The following TENM3 variants were observed in gnomAD, a reference collection of about 807,000 sequenced individuals.
TENM3 encodes teneurin transmembrane protein 3.
TENM3 carries 63 observed loss-of-function variants against 255.1 expected under a neutral mutation model. The observed-to-expected ratio is 0.25, with a 90% CI of 0.20 to 0.30. The LOEUF (loss-of-function observed/expected upper bound fraction) is 0.30, where lower values mean the gene tolerates loss of function less well. TENM3 is among the 10% of genes least tolerant of loss of function. The pLI, the probability that TENM3 is intolerant of heterozygous loss-of-function variation, is 1.00. For synonymous variants in TENM3, 1,306 were observed against 1,322.3 expected, an observed-to-expected ratio of 0.99 and a Z score of 0.27; for missense variants, 2,929 against 3,461.1, an observed-to-expected ratio of 0.85 and a Z score of 3.86.
intron 1 of TENM3, among the ~76,000 whole-genome samples, chr4:182,186,807 A>G (rs1753191946): frequency 1.3e-5 from 1 of 78,496 alleles, no homozygotes; most frequent in Admixed American, 1.7e-4. Flanking sequence ...ATATATATAT[A>G]TATATATGGT....
the TENM3 span, among the ~76,000 whole-genome samples, chr4:181,488,135 C>G: frequency 6.6e-6 from 1 of 152,206 alleles, no homozygotes; most frequent in Admixed American, 6.5e-5. Context: ...TACTGAGCCT[C>G]TACTTAACTT....
the TENM3 span, among the ~76,000 whole-genome samples, chr4:181,503,628 C>T: frequency 1.3e-5 from 2 of 152,166 alleles, no homozygotes; most frequent in Non-Finnish European, 2.9e-5. Context: ...GTGGAGTTCC[C>T]TCAGGCAGAG....
rs1753854083 is a variant in TENM3, at chr4:182,196,750, T to G, written c.-76+51996T>G. Among the ~76,000 whole-genome samples the G allele has an allele frequency of 2.0e-5, 3 of 152,338 alleles. No homozygotes were observed. The South Asian group carries it at 6.2e-4, about 32-fold the overall frequency. On this transcript the variant is annotated intron_variant, in intron 1 of 2. Transcript: ENST00000512480. The stretch of plus-strand genomic sequence containing the variant: ...CATTAAAGTTTTTCTTTTTCTTCTT[T>G]GTAACATTTTCTACACATTTGAAAG...
At chr4:181,601,200 C>T in the TENM3 span, among the ~76,000 whole-genome samples, 4 of 152,160 alleles carry the variant, frequency 2.6e-5, no homozygotes, top group Non-Finnish European at 5.9e-5. Context: ...TATCTTCTCC[C>T]AGTTCTGAAG....
At chr4:182,143,241 C>T (rs1749606222), upstream of TENM3, 1 of 167,078 alleles carries the variant, frequency 6.0e-6, no homozygotes. The surrounding 1 kb of genome is among the most constrained non-coding windows in gnomAD (Gnocchi z 4.3). Flanking sequence ...GGGGCGGAGG[C>T]CTAGGTGCTT....
At chr4:182,342,162 A>G (rs1430874048) in intron 2 of TENM3, among the ~76,000 whole-genome samples, 1 of 152,232 alleles carries the variant, frequency 6.6e-6, no homozygotes, top group Non-Finnish European at 1.5e-5. Context: ...ATGAAGACAT[A>G]TGTACGCATG....
the TENM3 span, among the ~76,000 whole-genome samples, chr4:181,570,159 C>A: frequency 1.3e-5 from 2 of 151,204 alleles, no homozygotes; most frequent in Non-Finnish European, 2.9e-5. Context: ...CATTCTCCTG[C>A]CTCAGCCTCC....
At chr4:181,747,219 G>A in the TENM3 span, among the ~76,000 whole-genome samples, 1 of 152,060 alleles carries the variant, frequency 6.6e-6, no homozygotes, top group Non-Finnish European at 1.5e-5. Flanking sequence ...TTAATAGAAG[G>A]AGAAATTTCA....
chr4:181,456,273 A>G, the TENM3 span, among the ~76,000 whole-genome samples: 15 of 151,654 alleles, frequency 9.9e-5, no homozygotes, highest in African/African-American at 3.6e-4. Flanking sequence ...TATCAAAGCC[A>G]ATATTCTGAT....
chr4:182,302,281 C>T (rs1761897524), intron 1 of TENM3, among the ~76,000 whole-genome samples: 2 of 152,150 alleles, frequency 1.3e-5, no homozygotes, highest in African/African-American at 2.4e-5. Context: ...GGAAGGTTAG[C>T]ATTTCGTTTT....
rs189506899 is a variant in TENM3 at position 182,367,331 on chromosome 4, T to A, written c.511+20402T>A. Among the ~76,000 whole-genome samples the A allele has an allele frequency of 3.4e-4, 51 of 152,096 alleles. No individual in the cohort carries two copies. The East Asian group carries it at 4.9e-3, about 14-fold the overall frequency. ...ATGGAAGTTAACATTGACGGTAAAGTGGAATCCACTTAGGCGGAACTGTGA... is the reference window on the plus strand; with the variant it reads ...ATGGAAGTTAACATTGACGGTAAAGAGGAATCCACTTAGGCGGAACTGTGA... On this transcript the variant is annotated intron_variant, in intron 3 of 27. Transcript: ENST00000511685.
chr4:182,016,387 G>T, the TENM3 span, among the ~76,000 whole-genome samples: 2 of 152,130 alleles, frequency 1.3e-5, no homozygotes, highest in Admixed American at 1.3e-4. Flanking sequence ...TGTTAGCATG[G>T]CAAGTCTTTG....
rs554164379 is a variant in TENM3, at chr4:182,524,676, A to G, written c.512-76248A>G. On this transcript the variant is annotated intron_variant, in intron 3 of 27. Coordinates refer to ENST00000511685, the MANE Select transcript of TENM3 (RefSeq NM_001080477.4). ...ACACCCGACCTGACAAACCTCTTTTAAAACCAAACTCATATTTGTAAATCC... is the reference window on the plus strand; with the variant it reads ...ACACCCGACCTGACAAACCTCTTTTGAAACCAAACTCATATTTGTAAATCC... Among the ~76,000 whole-genome samples, 5 of 151,890 alleles carry G rather than the reference A, an allele frequency of 3.3e-5. No homozygotes were observed. The South Asian group carries it at 1.0e-3, about 32-fold the overall frequency.
chr4:181,922,890 C>G, the TENM3 span, among the ~76,000 whole-genome samples: 17,152 of 151,984 alleles, frequency 0.11, 1,204 homozygotes, highest in South Asian at 0.26. Flanking sequence ...AAATTTCCCT[C>G]TACACACTGC....
chr4:182,769,649 T>C (rs1398378456), intron 22 of TENM3, among the ~76,000 whole-genome samples: 1 of 151,692 alleles, frequency 6.6e-6, no homozygotes, highest in Non-Finnish European at 1.5e-5. Context: ...ACAGAAACAG[T>C]GGCAGGCGCC....
intron 3 of TENM3, among the ~76,000 whole-genome samples, chr4:182,496,882 C>G (rs2151622530): frequency 6.6e-6 from 1 of 152,228 alleles, no homozygotes; most frequent in South Asian, 2.1e-4. Flanking sequence ...AGACTTCAGT[C>G]AAAACATACC....
chr4:182,668,002 T>C (rs1363173835), intron 6 of TENM3, among the ~76,000 whole-genome samples: 1 of 152,014 alleles, frequency 6.6e-6, no homozygotes, highest in African/African-American at 2.4e-5. Context: ...AAAAGCATTC[T>C]TTGACAGTAG....
chr4:181,533,824 G>A, the TENM3 span, among the ~76,000 whole-genome samples: 1 of 151,000 alleles, frequency 6.6e-6, no homozygotes, highest in African/African-American at 2.4e-5. Context: ...TCCAAACTCT[G>A]TCTTATTGGA....
intron 3 of TENM3, among the ~76,000 whole-genome samples, chr4:182,352,020 T>G (rs2150709479): frequency 6.6e-6 from 1 of 152,180 alleles, no homozygotes; most frequent in Non-Finnish European, 1.5e-5. Context: ...AAGATTAAGT[T>G]AAATAAACAA....
Sources: gnomAD v4.1 joint callset for allele counts (sites outside exome capture counted in the v4.1 genomes callset) on GRCh38, gnomAD v4.1.1 for gene constraint, Gnocchi (gnomAD v3.1) non-coding constraint, MANE v1.5 for transcripts, NCBI Gene and HGNC (gene_info 2026-07-23, HGNC 2026-07-21) for gene names.